Variants in CEP192 observed in about 807,000 individuals in gnomAD.
CEP192 encodes centrosomal protein 192.
Under a neutral mutation model 271.8 loss-of-function variants are expected in CEP192, and 151 were observed. The ratio of observed to expected loss-of-function variants is 0.56; its 90% CI spans 0.49 to 0.64. The LOEUF (loss-of-function observed/expected upper bound fraction) is 0.64. CEP192 is among the 30% of genes least tolerant of loss of function. The pLI is 0.00. For missense variants in CEP192, 2,910 were observed against 3,020.5 expected, an observed-to-expected ratio of 0.96 and a Z score of 0.86; for synonymous variants, 995 against 1,076.5, an observed-to-expected ratio of 0.92 and a Z score of 1.48.
chr18:13,101,972 T>A lies in CEP192; in HGVS notation c.6871+1460T>A, dbSNP rs758590318. On this transcript the variant is annotated intron_variant, in intron 38 of 44. Transcript: ENST00000506447. ...CCCTCTCTGTTCCTGCCTGGCAAGATCCCAACCCTGGCTTGTCCCAGGAGC... is the reference window on the plus strand; with the variant it reads ...CCCTCTCTGTTCCTGCCTGGCAAGAACCCAACCCTGGCTTGTCCCAGGAGC... Among the ~76,000 whole-genome samples, 39 of 152,088 alleles carry A rather than the reference T, an allele frequency of 2.6e-4. 1 individual carries two copies. Among genetic ancestry groups the A allele is most frequent in the Admixed American group, 2.0e-4 (3 of 15,274 alleles).
chr18:13,095,934 G>A (rs978266357), intron 35 of CEP192, among the ~76,000 whole-genome samples: 5 of 152,192 alleles, frequency 3.3e-5, no homozygotes, highest in African/African-American at 1.2e-4. Flanking sequence ...CAGAGATACA[G>A]CATTGGTTCA....
rs2143751184 is a variant in CEP192, at chr18:13,038,674, G to A, written c.1809+95G>A. The A allele has an allele frequency of 7.4e-6, 7 of 946,018 alleles. 1 individual carries two copies. In the South Asian group the frequency reaches 1.0e-4, roughly 14 times the overall value. The allele number at this position is 946,018 out of a possible 1,614,324, so 58.6% of individuals were successfully genotyped here. On this transcript the variant is annotated intron_variant, in intron 13 of 44. Coordinates refer to ENST00000506447, the MANE Select transcript of CEP192 (RefSeq NM_032142.4). ...GTGACTTTAAAATGGAGATAGAATA[G>A]GATGGGACAGAAGAGTGGTAAAAAA...
chr18:13,035,538 C>A (rs1321835667), intron 11 of CEP192, among the ~76,000 whole-genome samples: 1 of 152,140 alleles, frequency 6.6e-6, no homozygotes, highest in Non-Finnish European at 1.5e-5. Context: ...TCAGTTATCT[C>A]CCCCTGGGTC....
At chr18:13,090,106 CAA>C (rs1485596969) in intron 33 of CEP192, among the ~76,000 whole-genome samples, 1 of 152,154 alleles carries the variant, frequency 6.6e-6, no homozygotes, top group African/African-American at 2.4e-5. Flanking sequence ...AAATATTTAA[CAA>C]TATTTATTAT....
chr18:12,998,286 C>T (rs1041307079), intron 1 of CEP192, among the ~76,000 whole-genome samples: 3 of 152,216 alleles, frequency 2.0e-5, no homozygotes, highest in African/African-American at 4.8e-5. Flanking sequence ...CTTTTAGAAT[C>T]TGGCTCCATT....
At chr18:13,103,710 CA>C (rs1282108279) in intron 39 of CEP192, 122 bp downstream of exon 39, 1 of 856,320 alleles carries the variant, frequency 1.2e-6, no homozygotes, top group African/African-American at 1.7e-5. Context: ...TTTTCTGAGA[CA>C]AAAAAGTCTT....
chr18:13,085,881 T>C (rs2144677663), intron 30 of CEP192, among the ~76,000 whole-genome samples: 1 of 152,344 alleles, frequency 6.6e-6, no homozygotes, highest in East Asian at 1.9e-4. Context: ...ATACGGGCTC[T>C]TTTTTGGTTC....
At chr18:13,031,589 T>C (rs1020279637) in intron 11 of CEP192, among the ~76,000 whole-genome samples, 1 of 152,056 alleles carries the variant, frequency 6.6e-6, no homozygotes, top group African/African-American at 2.4e-5. Flanking sequence ...AGGAAGAAGT[T>C]ATCCCATCTA....
At chr18:13,124,428 T>A in intron 44 of CEP192, 1 of 458,792 alleles carries the variant, frequency 2.2e-6, no homozygotes, top group Middle Eastern at 5.8e-4. Flanking sequence ...TATGCAATAC[T>A]GTTTTAATCC....
At chr18:13,119,508 C>T (rs746139259) in intron 44 of CEP192, among the ~76,000 whole-genome samples, 1 of 152,044 alleles carries the variant, frequency 6.6e-6, no homozygotes, top group Non-Finnish European at 1.5e-5. Context: ...TTTGGGAGGC[C>T]GAGGTGGGCG....
At chr18:13,006,443 T>A (rs2033985834) in intron 3 of CEP192, among the ~76,000 whole-genome samples, 1 of 152,124 alleles carries the variant, frequency 6.6e-6, no homozygotes, top group Non-Finnish European at 1.5e-5. Flanking sequence ...CTGTAGGACT[T>A]GAATATTGCA....
At chr18:13,034,251 T>C (rs959389305) in intron 11 of CEP192, among the ~76,000 whole-genome samples, 1 of 151,556 alleles carries the variant, frequency 6.6e-6, no homozygotes, top group South Asian at 2.1e-4. Flanking sequence ...AACGGGGAGA[T>C]GGAAAGCTAT....
chr18:12,991,962 C>T (rs964451982), intron 1 of CEP192, among the ~76,000 whole-genome samples: 1 of 152,232 alleles, frequency 6.6e-6, no homozygotes, highest in African/African-American at 2.4e-5. Flanking sequence ...GATTTGGTTT[C>T]TGCTAGGTTG....
intron 28 of CEP192, among the ~76,000 whole-genome samples, chr18:13,071,756 T>C (rs1443007789): frequency 4.6e-5 from 7 of 152,000 alleles, no homozygotes; most frequent in Non-Finnish European, 1.5e-5. Flanking sequence ...ATTGTACAGG[T>C]TTATCTTTAA....
At chr18:13,077,014 C>A (rs1412030386) in intron 30 of CEP192, among the ~76,000 whole-genome samples, 2 of 152,070 alleles carry the variant, frequency 1.3e-5, no homozygotes, top group Non-Finnish European at 2.9e-5. Context: ...AACTCCTGAC[C>A]TCAAGTAATC....
At chr18:13,026,559 G>GT (rs1380806471) in intron 9 of CEP192, among the ~76,000 whole-genome samples, 4 of 152,098 alleles carry the variant, frequency 2.6e-5, no homozygotes, top group African/African-American at 4.8e-5. Context: ...TTGTCCTGCA[G>GT]TTTTTTGAGA....
At chr18:13,120,720 GTC>G (rs1363335160) in intron 44 of CEP192, among the ~76,000 whole-genome samples, 1 of 152,216 alleles carries the variant, frequency 6.6e-6, no homozygotes, top group East Asian at 1.9e-4. Context: ...TTTCCAGAAA[GTC>G]TGCATCGATA....
chr18:13,067,983 C>G (rs187374855), intron 22 of CEP192, 27 bp downstream of exon 22: 4 of 1,601,770 alleles, frequency 2.5e-6, no homozygotes, highest in Admixed American at 3.4e-5. Context: ...AGTAAGAAAC[C>G]ATTTACAGAA....
intron 40 of CEP192, among the ~76,000 whole-genome samples, chr18:13,112,747 C>T (rs1018065053): frequency 5.3e-5 from 8 of 152,302 alleles, no homozygotes; most frequent in South Asian, 4.1e-4. Flanking sequence ...CTCTCAAAAG[C>T]CTTGAGCTCA....
Sources: allele counts gnomAD v4.1 joint callset (sites outside exome capture counted in the v4.1 genomes callset), GRCh38; gene constraint gnomAD v4.1.1; transcripts MANE v1.5; gene names NCBI Gene and HGNC (gene_info 2026-07-23, HGNC 2026-07-21).